Variants in URI1 observed in about 807,000 individuals in gnomAD.
The protein encoded by URI1 is unconventional prefoldin RPB5 interactor 1.
URI1 carries 39 observed loss-of-function variants against 60.2 expected under a neutral mutation model. The observed-to-expected ratio is 0.65, with a 90% CI of 0.50 to 0.85. URI1 has a LOEUF of 0.85. URI1 is among the 40% of genes least tolerant of loss of function. URI1 has a pLI of 0.00. For synonymous variants in URI1, 251 were observed against 236.8 expected, an observed-to-expected ratio of 1.06 and a Z score of -0.55; for missense variants, 691 against 665.9, an observed-to-expected ratio of 1.04 and a Z score of -0.42.
intron 1 of URI1, among the ~76,000 whole-genome samples, chr19:29,966,951 A>G (rs1483882780): frequency 1.3e-5 from 2 of 152,208 alleles, no homozygotes; most frequent in Admixed American, 1.3e-4. Flanking sequence ...ATCAAAGATG[A>G]AGAAGTACTC....
At chr19:29,933,121 C>CA (rs1225979887) in intron 1 of URI1, among the ~76,000 whole-genome samples, 2 of 152,170 alleles carry the variant, frequency 1.3e-5, no homozygotes, top group Admixed American at 6.6e-5. Flanking sequence ...TCTTTTCTCT[C>CA]AGTGTCTTTG....
chr19:29,993,634 G>A (rs946121381), intron 4 of URI1, among the ~76,000 whole-genome samples: 1 of 151,868 alleles, frequency 6.6e-6, no homozygotes, highest in Non-Finnish European at 1.5e-5. Flanking sequence ...GATTGTATGA[G>A]GTGCATCAGG....
Position 30,015,205 on chromosome 19 carries a change from T to A in URI1, c.*136T>A. 7.0e-7 allele frequency: 1 copy of A among 1,430,312 alleles called. No homozygotes were observed. Among genetic ancestry groups the A allele is most frequent in the Non-Finnish European group, 9.1e-7 (1 of 1,094,870 alleles). The allele number at this position is 1,430,312 out of a possible 1,614,324, so 88.6% of individuals were successfully genotyped here. On this transcript the variant is annotated 3_prime_UTR_variant, in exon 11 of 11. Coordinates refer to ENST00000392271, the MANE Select transcript of URI1 (RefSeq NM_003796.3). ...CTTTGGCAACAAGTTCTTTTACCCT[T>A]ACCCGTGGTATTTGAAAAAAATCAA...
rs911922038 is a variant in URI1, at chr19:30,011,377, T to G, written c.1178+141T>G. 13 of 1,116,240 alleles carry G rather than the reference T, an allele frequency of 1.2e-5. No individual in the cohort carries two copies. The African/African-American group carries it at 1.8e-4, about 15-fold the overall frequency. The allele number at this position is 1,116,240 out of a possible 1,614,324, so 69.1% of individuals were successfully genotyped here. On this transcript the variant is annotated intron_variant, in intron 9 of 10. Coordinates refer to ENST00000392271, the MANE Select transcript of URI1 (RefSeq NM_003796.3). ...TGTTCTGAGGAGTTAACTTAGGATC[T>G]GATAGGCTGACCGGCTGTAGCTTCC...
chr19:29,923,675 T>C, exon 1 of URI1: 1 of 1,536,328 alleles, frequency 6.5e-7, no homozygotes, highest in African/African-American at 1.4e-5. Flanking sequence ...CCAGGCTCCT[T>C]GGAGGTCACT....
chr19:29,926,696 G>T (rs10414287), intron 1 of URI1, among the ~76,000 whole-genome samples: 27,782 of 152,172 alleles, frequency 0.18, 3,428 homozygotes, highest in East Asian at 0.33. Context: ...GCAGTACAAG[G>T]TTAAAAGAAA....
chr19:29,933,430 T>G (rs754987083), intron 1 of URI1, among the ~76,000 whole-genome samples: 7 of 152,230 alleles, frequency 4.6e-5, no homozygotes, highest in Non-Finnish European at 1.0e-4. Flanking sequence ...TTATCCAATT[T>G]ATTTCTGCAA....
At chr19:29,978,261 A>G (rs544175626) in intron 2 of URI1, among the ~76,000 whole-genome samples, 2 of 152,312 alleles carry the variant, frequency 1.3e-5, no homozygotes, top group Non-Finnish European at 2.9e-5. Context: ...GTTTTAAACT[A>G]TTATTAAAAA....
In URI1 at chr19:29,942,308, C is replaced by A; in HGVS notation, c.-240C>A. 1.0e-6 allele frequency: 1 copy of A among 985,244 alleles called. No homozygotes were observed. Among genetic ancestry groups the A allele is most frequent in the Non-Finnish European group, 1.2e-6 (1 of 829,728 alleles). 61.0% of individuals were successfully genotyped at this position (985,244 alleles called of 1,614,324 possible). A position where few individuals can be genotyped will look rare whatever the true frequency, so the allele number is the denominator to read the frequency against. The stretch of plus-strand genomic sequence containing the variant: ...ACCGGAGAGGCGTCTCGGTACCTGG[C>A]AGGCGGCCTGCTACTCGGAGCCCGC... On this transcript the variant is annotated 5_prime_UTR_variant, in exon 1 of 11. Coordinates refer to ENST00000392271, the MANE Select transcript of URI1 (RefSeq NM_003796.3).
chr19:29,986,943 C>T (rs2055679378), intron 4 of URI1, among the ~76,000 whole-genome samples: 1 of 152,052 alleles, frequency 6.6e-6, no homozygotes, highest in Admixed American at 6.5e-5. Context: ...CACCCTTATC[C>T]TTTTTCAGTT....
At chr19:29,932,021 T>C (rs995938311) in intron 1 of URI1, among the ~76,000 whole-genome samples, 4 of 151,864 alleles carry the variant, frequency 2.6e-5, no homozygotes, top group Non-Finnish European at 2.9e-5. Context: ...TTACTTCTTC[T>C]TTTCTAACTT....
At chr19:29,959,246 T>TC (rs993541152) in intron 1 of URI1, among the ~76,000 whole-genome samples, 14 of 152,084 alleles carry the variant, frequency 9.2e-5, no homozygotes, top group African/African-American at 3.4e-4. Context: ...CGCCTCAGTC[T>TC]CCCCGAGTAG....
At chr19:29,966,457 A>G (rs1224382630) in intron 1 of URI1, among the ~76,000 whole-genome samples, 2 of 152,176 alleles carry the variant, frequency 1.3e-5, no homozygotes, top group East Asian at 3.8e-4. Flanking sequence ...TTATACAGCA[A>G]CACTCAGTTT....
At position 30,005,670 on chromosome 19, in the gene URI1, A is replaced by T. The variant is rs1380308911; in HGVS notation, c.479A>T (p.Asp160Val). ...AACCAGGCTGCAGGTGATATTGTTG[A>T]CATACGAGAAGAAATTAAATGTGAC... Reference protein sequence around the residue: ...KMSDAAGDIVDIREEIKCDFE... With the variant: ...KMSDAAGDIVVIREEIKCDFE... Residue 160 changes from aspartate to valine, a missense_variant, in exon 6 of 11, where the codon GAC (aspartate) becomes GTC (valine). By Grantham distance (152) the Asp-to-Val change is radical. Transcript: ENST00000392271. 6.2e-7 allele frequency: 1 copy of T among 1,612,230 alleles called. No homozygotes were observed. Among genetic ancestry groups the T allele is most frequent in the Admixed American group, 1.7e-5 (1 of 59,782 alleles).
At chr19:30,002,244 TAC>T (rs2145423360) in intron 4 of URI1, among the ~76,000 whole-genome samples, 1 of 152,210 alleles carries the variant, frequency 6.6e-6, no homozygotes, top group East Asian at 1.9e-4. Flanking sequence ...TTCAAATATA[TAC>T]AATTCTACAA....
intron 2 of URI1, among the ~76,000 whole-genome samples, chr19:29,975,977 A>G (rs116448577): frequency 0.016 from 2,478 of 152,248 alleles, 72 homozygotes; most frequent in African/African-American, 0.057. Context: ...ATGAAATCAG[A>G]TTGTACCTGT....
At chr19:29,951,702 A>G (rs1371909849) in intron 1 of URI1, among the ~76,000 whole-genome samples, 3 of 151,812 alleles carry the variant, frequency 2.0e-5, no homozygotes, top group South Asian at 2.1e-4. Flanking sequence ...CTCTGCCACC[A>G]CGCCCAGCTA....
chr19:30,007,470 CAA>C lies in URI1; in HGVS notation c.521_522del (p.Lys174ThrfsTer6). On this transcript the variant is annotated frameshift_variant and splice_region_variant, in exon 7 of 11. Coordinates refer to ENST00000392271, the MANE Select transcript of URI1 (RefSeq NM_003796.3). LOFTEE classifies it high-confidence loss of function. ...CACGTCTTTTCCTTTTTCTAAATAG[CAA>C]AACACCGAATTGCTCATAAACCGCA... 1 of 1,611,912 alleles carries C rather than the reference CAA, an allele frequency of 6.2e-7. No individual in the cohort carries two copies. The highest frequency in any genetic ancestry group is 8.5e-7 in the Non-Finnish European group (1 of 1,178,884).
At chr19:29,988,418 C>T (rs568048832) in intron 4 of URI1, among the ~76,000 whole-genome samples, 32 of 152,248 alleles carry the variant, frequency 2.1e-4, no homozygotes, top group Admixed American at 3.9e-4. Context: ...AGTCAGGACA[C>T]GGAATAGGAT....
Sources: gnomAD v4.1 joint callset for allele counts (sites outside exome capture counted in the v4.1 genomes callset) on GRCh38, gnomAD v4.1.1 for gene constraint, MANE v1.5 for transcripts, NCBI Gene and HGNC (gene_info 2026-07-23, HGNC 2026-07-21) for gene names.